PDE6C: variants seen among roughly 807,000 people sequenced by gnomAD.
PDE6C encodes phosphodiesterase 6C, also known as cone cGMP-specific 3',5'-cyclic phosphodiesterase subunit alpha'.
In PDE6C, 75 loss-of-function variants were observed where a neutral mutation model predicts 113.1. That is an observed-to-expected ratio of 0.66 (90% confidence interval 0.55 to 0.80). The LOEUF (loss-of-function observed/expected upper bound fraction) is 0.80. Ranked by LOEUF, PDE6C falls within the 30% of genes least tolerant of loss-of-function variation. The pLI is 0.00. For missense variants in PDE6C, 912 were observed against 1,038.6 expected, an observed-to-expected ratio of 0.88 and a Z score of 1.67; for synonymous variants, 375 against 363.7, an observed-to-expected ratio of 1.03 and a Z score of -0.35.
chr10:93,658,193 G>A (rs796652507), intron 16 of PDE6C, among the ~76,000 whole-genome samples: 1,283 of 88,706 alleles, frequency 0.014, 6 homozygotes, highest in Non-Finnish European at 0.018. Flanking sequence ...AAAAAAAAAA[G>A]AAAAAGAAAA....
intron 20 of PDE6C, 25 bp from the exon 21 acceptor site, chr10:93,663,003 G>T (rs2058673256): frequency 6.3e-7 from 1 of 1,596,442 alleles, no homozygotes; most frequent in Non-Finnish European, 8.6e-7. Flanking sequence ...GATTTATGTA[G>T]TTTCTGACCT....
At chr10:93,663,353 GACA>G (rs533630177) in intron 21 of PDE6C, among the ~76,000 whole-genome samples, 175 bp downstream of exon 21, 91 of 152,268 alleles carry the variant, frequency 6.0e-4, no homozygotes, top group African/African-American at 2.1e-3. Context: ...CCCTGCCACA[GACA>G]ACATCTTATG....
At chr10:93,621,899 TCTAA>T (rs1403731523) in intron 3 of PDE6C, 29 bp from the exon 4 acceptor site, 56 of 1,601,294 alleles carry the variant, frequency 3.5e-5, no homozygotes, top group Non-Finnish European at 4.2e-5. Context: ...CATACTTTAT[TCTAA>T]CTGTTTTCTT....
intron 8 of PDE6C, among the ~76,000 whole-genome samples, chr10:93,629,743 G>T (rs1217018119): frequency 2.0e-5 from 3 of 152,164 alleles, no homozygotes; most frequent in African/African-American, 7.2e-5. Flanking sequence ...TCACAAGAGG[G>T]TTCACACTCC....
At chr10:93,652,406 A>G (rs1440808961) in intron 15 of PDE6C, among the ~76,000 whole-genome samples, 1 of 152,214 alleles carries the variant, frequency 6.6e-6, no homozygotes, top group African/African-American at 2.4e-5. Flanking sequence ...ATTAAGAAAG[A>G]GTTTTTCAAT....
At chr10:93,624,634 G>A (rs1248419301) in intron 4 of PDE6C, among the ~76,000 whole-genome samples, 1 of 152,140 alleles carries the variant, frequency 6.6e-6, no homozygotes, top group East Asian at 1.9e-4. Context: ...AGGAGAGCTG[G>A]GTTCTGATCT....
chr10:93,640,379 A>G, intron 12 of PDE6C, 71 bp from the exon 13 acceptor site: 3 of 1,314,298 alleles, frequency 2.3e-6, no homozygotes, highest in Non-Finnish European at 3.3e-6. Flanking sequence ...ATCTTTTTAG[A>G]TAAGATTGCC....
intron 1 of PDE6C, among the ~76,000 whole-genome samples, chr10:93,617,666 T>G (rs1483672810): frequency 1.3e-5 from 2 of 152,074 alleles, no homozygotes; most frequent in Admixed American, 6.6e-5. Context: ...CCCAGCTACT[T>G]AGGAGGCTGA....
rs1223306 is a variant in PDE6C, at chr10:93,621,033, G to T, written c.723+53G>T. ...CATGCTGACCTATTCTGACAAAGCC[G>T]CCCAGAGACAACAAATTCAGACCCC... On this transcript the variant is annotated intron_variant, in intron 3 of 21. Transcript: ENST00000371447. 312 of 1,450,086 alleles carry T rather than the reference G, an allele frequency of 2.2e-4. No homozygotes were observed. In the African/African-American group the frequency reaches 4.1e-3, roughly 19 times the overall value. 89.8% of individuals were successfully genotyped at this position (1,450,086 alleles called of 1,614,324 possible). A position where few individuals can be genotyped will look rare whatever the true frequency, so the allele number is the denominator to read the frequency against.
At chr10:93,646,131 G>A in intron 15 of PDE6C, 84 bp downstream of exon 15, 1 of 824,538 alleles carries the variant, frequency 1.2e-6, no homozygotes, top group Non-Finnish European at 2.1e-6. Flanking sequence ...AAAAAGGGTG[G>A]CCTTGAGTTA....
rs564759104 is a variant in PDE6C, at chr10:93,625,381, G to A, written c.865-194G>A. On this transcript the variant is annotated intron_variant, in intron 4 of 21. Coordinates refer to ENST00000371447, the MANE Select transcript of PDE6C (RefSeq NM_006204.4). ...ATTCTATTGTTATCCCTATTTTACA[G>A]ATGTAAAAGGTTAAGTAACATGTTA... Among the ~76,000 whole-genome samples, 3 of 152,290 alleles carry A rather than the reference G, an allele frequency of 2.0e-5. No individual in the cohort carries two copies. The South Asian group carries it at 6.2e-4, about 32-fold the overall frequency.
rs369682461 is a variant in PDE6C at position 93,645,944 on chromosome 10, G to A, written c.1848-16G>A. On this transcript the variant is annotated splice_polypyrimidine_tract_variant and intron_variant, in intron 14 of 21. Coordinates refer to ENST00000371447, the MANE Select transcript of PDE6C (RefSeq NM_006204.4). ...TTTTAAACAGCTAGAATCATGGCATGTTGTTTTCCTTCTAGATCCACGTCT... is the reference window on the plus strand; with the variant it reads ...TTTTAAACAGCTAGAATCATGGCATATTGTTTTCCTTCTAGATCCACGTCT... The A allele has an allele frequency of 3.3e-6, 5 of 1,504,096 alleles. No individual in the cohort carries two copies. Among genetic ancestry groups the A allele is most frequent in the Non-Finnish European group, 4.6e-6 (5 of 1,080,056 alleles). 93.2% of individuals were successfully genotyped at this position (1,504,096 alleles called of 1,614,324 possible).
intron 14 of PDE6C, among the ~76,000 whole-genome samples, chr10:93,645,568 G>C (rs1483981101): frequency 6.6e-6 from 1 of 152,036 alleles, no homozygotes; most frequent in Admixed American, 6.6e-5. Context: ...CACTGTCTTG[G>C]GGGAGGAGAG....
chr10:93,662,593 C>A lies in PDE6C; in HGVS notation c.2317C>A (p.Pro773Thr). 6.6e-7 allele frequency: 1 copy of A among 1,506,504 alleles called. No homozygotes were observed. Among genetic ancestry groups the A allele is most frequent in the South Asian group, 1.1e-5 (1 of 88,912 alleles). 93.3% of individuals were successfully genotyped at this position (1,506,504 alleles called of 1,614,324 possible). ...MMDRNKRDEL[P>T]KLQVGFIDFV... ...GGACAGAAACAAAAGAGATGAATTA[C>A]CTAAACTTCAAGTTGGATTTATTGA... Residue 773 changes from proline (P) to threonine (T), a missense_variant, in exon 20 of 22, where the codon CCT (proline) becomes ACT (threonine). Physicochemically the swap from Pro to Thr is conservative, Grantham distance 38. Transcript: ENST00000371447.
chr10:93,635,633 C>T lies in PDE6C; in HGVS notation c.1406C>T (p.Ser469Phe). Reference protein sequence around the residue: ...QTKATPEEIKSILKFQEKLNV... With the variant: ...QTKATPEEIKFILKFQEKLNV... ...AAAGCCACTCCTGAAGAAATTAAGTCCATTTTGGTAAGTGGGAAATTCAGT... is the reference window on the plus strand; with the variant it reads ...AAAGCCACTCCTGAAGAAATTAAGTTCATTTTGGTAAGTGGGAAATTCAGT... Residue 469 changes from serine (S) to phenylalanine (F), a missense_variant, in exon 10 of 22, where the codon TCC (serine) becomes TTC (phenylalanine). By Grantham distance (155) the Ser-to-Phe change is radical (BLOSUM62 -2). Coordinates refer to ENST00000371447, the MANE Select transcript of PDE6C (RefSeq NM_006204.4). The T allele has an allele frequency of 1.2e-6, 2 of 1,613,804 alleles. No homozygotes were observed. The highest frequency in any genetic ancestry group is 1.7e-6 in the Non-Finnish European group (2 of 1,179,786).
rs1047798635 is a variant in PDE6C, at chr10:93,640,096, A to C, written c.1509A>C (p.Ser503=). 2.8e-5 allele frequency: 45 copies of C among 1,614,056 alleles called. No homozygotes were observed. The highest frequency in any genetic ancestry group is 3.6e-5 in the Non-Finnish European group (43 of 1,179,994). The change falls in exon 12 of 22, where the codon TCA becomes TCC. Residue 503 remains serine (S), a synonymous_variant. Coordinates refer to ENST00000371447, the MANE Select transcript of PDE6C (RefSeq NM_006204.4). ...ILKEDLPDPR[S]AELYEFRFSD... is the part of the protein sequence containing the mutation. ...AAGAGGACTTGCCAGACCCACGCTC[A>C]GCAGAACTGTACGAATTCCGCTTCA... is the stretch of plus-strand genomic sequence containing the variant.
intron 1 of PDE6C, among the ~76,000 whole-genome samples, chr10:93,616,709 A>G (rs1027251820): frequency 7.1e-6 from 1 of 140,954 alleles, no homozygotes; most frequent in Non-Finnish European, 1.5e-5. Context: ...GCTGGAGTGC[A>G]ATGGCTTGAT....
At chr10:93,625,460 A>G in intron 4 of PDE6C, 115 bp from the exon 5 acceptor site, 1 of 774,294 alleles carries the variant, frequency 1.3e-6, no homozygotes, top group Non-Finnish European at 2.2e-6. Flanking sequence ...TTTCAGCACT[A>G]AAATTCCAGA....
intron 19 of PDE6C, 56 bp downstream of exon 19, chr10:93,662,189 G>A (rs2058668677): frequency 1.7e-6 from 2 of 1,153,640 alleles, no homozygotes; most frequent in South Asian, 1.2e-5. Flanking sequence ...GACAGGCCGG[G>A]CGCGGTGGCT....
Sources: allele counts gnomAD v4.1 joint callset (sites outside exome capture counted in the v4.1 genomes callset), GRCh38; gene constraint gnomAD v4.1.1; transcripts MANE v1.5; gene names NCBI Gene and HGNC (gene_info 2026-07-23, HGNC 2026-07-21).